C12orf56: variants seen among roughly 807,000 people sequenced by gnomAD.
C12orf56 encodes the protein chromosome 12 open reading frame 56, also known as uncharacterized protein C12orf56.
A neutral mutation model predicts 69.9 loss-of-function variants in C12orf56; 71 were observed. The ratio of observed to expected loss-of-function variants is 1.02; its 90% CI spans 0.84 to 1.24. The LOEUF (loss-of-function observed/expected upper bound fraction) is 1.24. C12orf56 is among the 50% of genes most tolerant of loss of function. C12orf56 has a pLI of 0.00. For synonymous variants in C12orf56, 276 were observed against 274.1 expected (o/e 1.01, Z -0.07); for missense variants, 732 against 738.5 (o/e 0.99, Z 0.10).
intron 1 of C12orf56, among the ~76,000 whole-genome samples, chr12:64,376,854 T>C (rs75572428): frequency 1.3e-5 from 2 of 152,128 alleles, no homozygotes; most frequent in Non-Finnish European, 2.9e-5. Context: ...CTTTTTTTTT[T>C]CTTTAGATGG....
intron 2 of C12orf56, among the ~76,000 whole-genome samples, chr12:64,335,342 G>A (rs1288751522): frequency 6.7e-6 from 1 of 149,118 alleles, no homozygotes; most frequent in Non-Finnish European, 1.5e-5. Flanking sequence ...GCTTGAACCT[G>A]GGAGGCAGAG....
At chr12:64,277,633 T>TATAC (rs746282251) in intron 9 of C12orf56, 47 bp downstream of exon 9, 5 of 955,474 alleles carry the variant, frequency 5.2e-6, no homozygotes, top group Non-Finnish European at 6.3e-6. Flanking sequence ...CCAGGGCCCC[T>TATAC]ATATATATAT....
At chr12:64,286,212 T>C (rs2136768978) in intron 6 of C12orf56, 152 bp from the exon 7 acceptor site, 1 of 572,740 alleles carries the variant, frequency 1.7e-6, no homozygotes, top group Non-Finnish European at 3.0e-6. Context: ...ATAACCCAAA[T>C]TGGAAACATA....
At chr12:64,313,483 G>A (rs1213071925) in intron 4 of C12orf56, among the ~76,000 whole-genome samples, 1 of 151,742 alleles carries the variant, frequency 6.6e-6, no homozygotes, top group Non-Finnish European at 1.5e-5. Context: ...GGAGTTGGAG[G>A]CTGCAGTGAG....
intron 8 of C12orf56, among the ~76,000 whole-genome samples, chr12:64,283,352 T>C (rs908822433): frequency 6.6e-6 from 1 of 151,726 alleles, no homozygotes; most frequent in Non-Finnish European, 1.5e-5. Flanking sequence ...ATCAAAAAAA[T>C]AAAATAAAAT....
intron 1 of C12orf56, among the ~76,000 whole-genome samples, chr12:64,370,924 C>T (rs1346174519): frequency 6.6e-6 from 1 of 152,104 alleles, no homozygotes; most frequent in Non-Finnish European, 1.5e-5. Flanking sequence ...TGCTTGAGCC[C>T]AGGAGTTCAA....
rs1020259536 is a variant in C12orf56, at chr12:64,268,344, T to C, written c.1764-1056A>G. Among the ~76,000 whole-genome samples, 118 of 152,316 alleles carry C rather than the reference T, an allele frequency of 7.7e-4. 1 individual carries two copies. Among genetic ancestry groups the C allele is most frequent in the African/African-American group, 2.7e-3 (113 of 41,566 alleles). ...CACAAGTGTGACACCACTTTGCCAGTTGTCCTGATTTTCAGATGTTTGTAT... is the reference window on the plus strand; with the variant it reads ...CACAAGTGTGACACCACTTTGCCAGCTGTCCTGATTTTCAGATGTTTGTAT... On this transcript the variant is annotated intron_variant, in intron 12 of 12. Coordinates refer to ENST00000543942, the MANE Select transcript of C12orf56 (RefSeq NM_001170633.2).
intron 6 of C12orf56, among the ~76,000 whole-genome samples, chr12:64,300,547 C>T (rs897528352): frequency 6.6e-6 from 1 of 152,112 alleles, no homozygotes; most frequent in African/African-American, 2.4e-5. Flanking sequence ...TCTGGGTGGA[C>T]TTCCCCTTTG....
intron 2 of C12orf56, among the ~76,000 whole-genome samples, chr12:64,346,741 C>G (rs1033029344): frequency 6.6e-6 from 1 of 152,066 alleles, no homozygotes; most frequent in Admixed American, 6.6e-5. Flanking sequence ...AGAGGCCCAC[C>G]AAGTGTCATC....
At chr12:64,366,048 TATATAATATATA>T (rs2039471488) in intron 1 of C12orf56, among the ~76,000 whole-genome samples, 1 of 89,974 alleles carries the variant, frequency 1.1e-5, no homozygotes, top group Non-Finnish European at 1.9e-5. Flanking sequence ...TTATATATTA[TATATAATATATA>T]GCTTGTATAA....
intron 8 of C12orf56, among the ~76,000 whole-genome samples, chr12:64,281,579 AT>A (rs1424095403): frequency 2.6e-5 from 4 of 152,202 alleles, no homozygotes; most frequent in African/African-American, 9.7e-5. Context: ...CTCAAAAAAA[AT>A]AAAAGAAAAA....
intron 2 of C12orf56, among the ~76,000 whole-genome samples, chr12:64,352,571 A>C (rs2039244134): frequency 6.6e-6 from 1 of 152,152 alleles, no homozygotes; most frequent in South Asian, 2.1e-4. Flanking sequence ...CTGGGAGAGT[A>C]GGGTTAGAGC....
intron 1 of C12orf56, among the ~76,000 whole-genome samples, chr12:64,386,825 C>T (rs2039797384): frequency 6.9e-6 from 1 of 145,800 alleles, no homozygotes; most frequent in South Asian, 2.2e-4. Context: ...CCCACTGCGC[C>T]CAGCCATAAA....
chr12:64,378,698 T>C (rs2039673147), intron 1 of C12orf56, among the ~76,000 whole-genome samples: 1 of 151,744 alleles, frequency 6.6e-6, no homozygotes, highest in African/African-American at 2.4e-5. Context: ...GCCTCCCAAA[T>C]TGCTGTGATT....
chr12:64,345,231 G>A (rs1034029638), intron 2 of C12orf56, among the ~76,000 whole-genome samples: 1 of 152,152 alleles, frequency 6.6e-6, no homozygotes, highest in African/African-American at 2.4e-5. Flanking sequence ...CCTGAGGAGA[G>A]TCAACATTAT....
At chr12:64,286,827 G>A (rs10784398) in intron 6 of C12orf56, among the ~76,000 whole-genome samples, 106,916 of 152,044 alleles carry the variant, frequency 0.7, 38,796 homozygotes, top group Non-Finnish European at 0.8. Flanking sequence ...CCTTATTCAG[G>A]TGATATGGCA....
Position 64,390,648 on chromosome 12 carries a change from CGCCACAAAGCCGCCG to C in C12orf56, c.-98_-84del, listed in dbSNP as rs1442187621. ...CCCCGCCCCCGCGCTGGAACCCGCG[CGCCACAAAGCCGCCG>C]GCCACGCGTCGCCTCCTCTCCAGGC... is the stretch of plus-strand genomic sequence containing the variant. On this transcript the variant is annotated 5_prime_UTR_variant, in exon 1 of 13. Transcript: ENST00000543942. 1.5e-6 allele frequency: 2 copies of C among 1,372,650 alleles called. No individual in the cohort carries two copies. Among genetic ancestry groups the C allele is most frequent in the Admixed American group, 7.5e-5 (2 of 26,534 alleles). The allele number at this position is 1,372,650 out of a possible 1,614,324, so 85.0% of individuals were successfully genotyped here. A position where few individuals can be genotyped will look rare whatever the true frequency, so the allele number is the denominator to read the frequency against.
At chr12:64,310,202 T>A (rs2136821061) in intron 5 of C12orf56, among the ~76,000 whole-genome samples, 1 of 152,016 alleles carries the variant, frequency 6.6e-6, no homozygotes, top group South Asian at 2.1e-4. Flanking sequence ...AGATGAGGTC[T>A]CACTATGTTG....
intron 6 of C12orf56, among the ~76,000 whole-genome samples, chr12:64,301,190 C>T (rs1406839607): frequency 1.3e-5 from 2 of 152,114 alleles, no homozygotes; most frequent in African/African-American, 4.8e-5. Context: ...ACAACTGTTC[C>T]GGTACTGACT....
Sources: gnomAD v4.1 joint callset for allele counts (sites outside exome capture counted in the v4.1 genomes callset) on GRCh38, gnomAD v4.1.1 for gene constraint, MANE v1.5 for transcripts, NCBI Gene and HGNC (gene_info 2026-07-23, HGNC 2026-07-21) for gene names.